SPHKAP: variants seen among roughly 807,000 people sequenced by gnomAD.
SPHKAP encodes the protein A-kinase anchor protein SPHKAP.
Under a neutral mutation model 137.5 loss-of-function variants are expected in SPHKAP, and 67 were observed. The observed-to-expected ratio is 0.49, with a 90% CI of 0.40 to 0.60. SPHKAP has a LOEUF of 0.60. Among genes scored for constraint, SPHKAP ranks in the 20% least tolerant of loss-of-function variants. SPHKAP has a pLI of 0.00. For missense variants in SPHKAP, 2,097 were observed against 2,069.3 expected (o/e 1.01, Z -0.26); for synonymous variants, 813 against 785.3 (o/e 1.04, Z -0.59).
chr2:228,158,995 G>A (rs960100219), intron 1 of SPHKAP, among the ~76,000 whole-genome samples: 10 of 152,112 alleles, frequency 6.6e-5, no homozygotes, highest in Non-Finnish European at 1.0e-4. Context: ...GATTCAGTCC[G>A]TCCTTATGTG....
At chr2:228,100,040 C>T (rs1005609256) in intron 3 of SPHKAP, among the ~76,000 whole-genome samples, 3 of 151,902 alleles carry the variant, frequency 2.0e-5, no homozygotes, top group Non-Finnish European at 2.9e-5. Flanking sequence ...TTAGTAGAGA[C>T]GGGGTTTCAC....
intron 1 of SPHKAP, among the ~76,000 whole-genome samples, chr2:228,155,717 T>C (rs1202648348): frequency 6.6e-6 from 1 of 152,222 alleles, no homozygotes; most frequent in African/African-American, 2.4e-5. Context: ...CTATGGTGAT[T>C]ATGTAAAGAG....
intron 3 of SPHKAP, among the ~76,000 whole-genome samples, chr2:228,054,976 C>T (rs1178597602): frequency 6.6e-6 from 1 of 151,800 alleles, no homozygotes; most frequent in East Asian, 1.9e-4. Context: ...CCCATTTCTA[C>T]TAAAAATACC....
At chr2:228,114,114 G>A (rs920568556) in intron 2 of SPHKAP, among the ~76,000 whole-genome samples, 1 of 152,098 alleles carries the variant, frequency 6.6e-6, no homozygotes, top group Non-Finnish European at 1.5e-5. Context: ...GGCTCTCAAT[G>A]GCTCATTTGT....
At chr2:228,169,423 A>T (rs1700515945) in intron 1 of SPHKAP, among the ~76,000 whole-genome samples, 1 of 152,026 alleles carries the variant, frequency 6.6e-6, no homozygotes, top group Non-Finnish European at 1.5e-5. Flanking sequence ...CTGTTCCAAA[A>T]ATCCTAGGGC....
chr2:228,119,977 A>G (rs1369576591), intron 2 of SPHKAP, among the ~76,000 whole-genome samples: 1 of 152,158 alleles, frequency 6.6e-6, no homozygotes, highest in East Asian at 1.9e-4. Context: ...TATACCATTG[A>G]CACCTAAGAA....
rs1309325785 is a variant in SPHKAP at position 227,980,082 on chromosome 2, T to A, written c.*1635A>T. On this transcript the variant is annotated 3_prime_UTR_variant, in exon 12 of 12. Coordinates refer to ENST00000392056, the MANE Select transcript of SPHKAP (RefSeq NM_001142644.2). ...AACATTTATTTGAGCACAACAAAAGTCTACACACAGTATTCTGGGATTGTT... is the reference window on the plus strand; with the variant it reads ...AACATTTATTTGAGCACAACAAAAGACTACACACAGTATTCTGGGATTGTT... 3 of 152,644 alleles carry A rather than the reference T, an allele frequency of 2.0e-5. No individual in the cohort carries two copies. The highest frequency in any genetic ancestry group is 4.4e-5 in the Non-Finnish European group (3 of 68,036). 9.5% of individuals were successfully genotyped at this position (152,644 alleles called of 1,614,324 possible).
At chr2:228,178,034 A>G (rs4246660) in intron 1 of SPHKAP, among the ~76,000 whole-genome samples, 109,405 of 152,078 alleles carry the variant, frequency 0.72, 39,606 homozygotes, top group East Asian at 0.77. Flanking sequence ...AACTATTTCT[A>G]TTTGCTAAAA....
At chr2:228,180,583 C>T (rs990896224) in intron 1 of SPHKAP, among the ~76,000 whole-genome samples, 1 of 152,170 alleles carries the variant, frequency 6.6e-6, no homozygotes, top group East Asian at 1.9e-4. Context: ...CGAAGAGCCA[C>T]GCTAAGCCGC....
At chr2:228,112,993 C>T (rs1319223451) in intron 2 of SPHKAP, among the ~76,000 whole-genome samples, 23 of 152,074 alleles carry the variant, frequency 1.5e-4, no homozygotes, top group East Asian at 5.8e-4. Context: ...TTAGAAGAAA[C>T]GGAAGCAGCA....
chr2:228,032,357 G>T (rs1356189899), intron 3 of SPHKAP, among the ~76,000 whole-genome samples: 2 of 152,154 alleles, frequency 1.3e-5, no homozygotes, highest in African/African-American at 2.4e-5. Flanking sequence ...AACGAACAAA[G>T]CCTCCAAGAA....
intron 3 of SPHKAP, among the ~76,000 whole-genome samples, chr2:228,081,271 C>G (rs1281493232): frequency 6.6e-6 from 1 of 152,226 alleles, no homozygotes; most frequent in Admixed American, 6.5e-5. Context: ...TACCCTCTCT[C>G]TTTCCCCTCC....
intron 11 of SPHKAP, among the ~76,000 whole-genome samples, chr2:227,982,538 G>A (rs1368710041): frequency 1.3e-5 from 2 of 152,160 alleles, no homozygotes; most frequent in Non-Finnish European, 2.9e-5. Context: ...GAAAAATGGA[G>A]AAATAATTAT....
At chr2:228,161,722 T>C (rs996639941) in intron 1 of SPHKAP, among the ~76,000 whole-genome samples, 6 of 152,006 alleles carry the variant, frequency 3.9e-5, no homozygotes, top group Non-Finnish European at 7.4e-5. Flanking sequence ...TAAAATAAAA[T>C]AAAATAAAAT....
Position 228,092,724 on chromosome 2 carries a change from G to C in SPHKAP, c.246+16108C>G, listed in dbSNP as rs1394697188. ...ATATGTATATATATAACACTACTCA[G>C]CCATAAAAAGAAACAAATTAATGGC... On this transcript the variant is annotated intron_variant, in intron 3 of 11. Coordinates refer to ENST00000392056, the MANE Select transcript of SPHKAP (RefSeq NM_001142644.2). Among the ~76,000 whole-genome samples the C allele has an allele frequency of 2.0e-5, 3 of 150,482 alleles. No individual in the cohort carries two copies. In the East Asian group the frequency reaches 5.9e-4, roughly 29 times the overall value.
At chr2:228,118,273 A>T in intron 2 of SPHKAP, among the ~76,000 whole-genome samples, 1 of 138,034 alleles carries the variant, frequency 7.2e-6, no homozygotes. Flanking sequence ...TAAGCCATTC[A>T]CTAGCTGAAG....
In SPHKAP at chr2:228,055,142, C is replaced by A. The variant is rs113290468; in HGVS notation, c.247-27599G>T. Reference sequence around the variant, plus strand: ...GGGCAAAAAGAGTGAAACTCCACTCCAAAAAAAAAAAAAAAAAGTGGTTTG... The same window carrying A: ...GGGCAAAAAGAGTGAAACTCCACTCAAAAAAAAAAAAAAAAAAGTGGTTTG... On this transcript the variant is annotated intron_variant, in intron 3 of 11. Transcript: ENST00000392056. 2.2e-3 allele frequency among the ~76,000 whole-genome samples: 134 copies of A among 61,294 alleles called. 1 individual carries two copies. The highest frequency in any genetic ancestry group is 0.014 in the South Asian group (24 of 1,686). The allele number at this position is 61,294 out of a possible 152,430, so 40.2% of individuals were successfully genotyped here. A position where few individuals can be genotyped will look rare whatever the true frequency, so the allele number is the denominator to read the frequency against.
chr2:227,995,937 A>T (rs1051827036), intron 7 of SPHKAP: 1 of 984,564 alleles, frequency 1.0e-6, no homozygotes, highest in Non-Finnish European at 1.2e-6. Context: ...CAATCATTTG[A>T]AAAACAGGTT....
intron 3 of SPHKAP, among the ~76,000 whole-genome samples, chr2:228,097,543 T>C (rs967703322): frequency 3.6e-4 from 55 of 152,180 alleles, no homozygotes; most frequent in African/African-American, 1.3e-3. Context: ...TGGGCACATG[T>C]GAAGGTTTGT....
Sources: gnomAD v4.1 joint callset for allele counts (sites outside exome capture counted in the v4.1 genomes callset) on GRCh38, gnomAD v4.1.1 for gene constraint, MANE v1.5 for transcripts, NCBI Gene and HGNC (gene_info 2026-07-23, HGNC 2026-07-21) for gene names.